MDFIC2: variants seen among roughly 807,000 people sequenced by gnomAD.
The protein encoded by MDFIC2 is myoD family inhibitor domain-containing protein 2.
At chr3:70,280,436 AC>A (rs1425288052) in intron 2 of MDFIC2, among the ~76,000 whole-genome samples, 4 of 151,964 alleles carry the variant, frequency 2.6e-5, no homozygotes, top group African/African-American at 9.7e-5. Context: ...TCTTACCCTT[AC>A]CACCCTAGGC....
At chr3:70,298,400 A>G (rs149575149) in intron 2 of MDFIC2, among the ~76,000 whole-genome samples, 4 of 152,258 alleles carry the variant, frequency 2.6e-5, no homozygotes, top group Non-Finnish European at 5.9e-5. Flanking sequence ...ACGGGAAGAT[A>G]TTAAAATGAT....
chr3:70,269,357 C>T (rs1701953026), intron 2 of MDFIC2, among the ~76,000 whole-genome samples: 1 of 152,136 alleles, frequency 6.6e-6, no homozygotes, highest in South Asian at 2.1e-4. Context: ...GAACTGTAAC[C>T]TGTCTGGATA....
intron 2 of MDFIC2, among the ~76,000 whole-genome samples, chr3:70,261,567 C>T (rs973496442): frequency 6.6e-6 from 1 of 152,136 alleles, no homozygotes; most frequent in Non-Finnish European, 1.5e-5. Flanking sequence ...TTCCAAGGTA[C>T]CATGCTCACC....
At chr3:70,234,905 A>G (rs1701592927) in intron 2 of MDFIC2, among the ~76,000 whole-genome samples, 1 of 152,164 alleles carries the variant, frequency 6.6e-6, no homozygotes, top group Non-Finnish European at 1.5e-5. Context: ...TGCCTTGGAC[A>G]TCTTCAGCCT....
intron 2 of MDFIC2, among the ~76,000 whole-genome samples, chr3:70,216,596 G>A (rs921562680): frequency 3.3e-5 from 5 of 152,088 alleles, no homozygotes; most frequent in African/African-American, 1.2e-4. Flanking sequence ...TCTAGATAGA[G>A]ATTTTTTAAG....
intron 2 of MDFIC2, among the ~76,000 whole-genome samples, chr3:70,248,428 G>T (rs1168024909): frequency 2.6e-5 from 4 of 152,068 alleles, no homozygotes; most frequent in Admixed American, 6.6e-5. Context: ...GAAGCACACT[G>T]GTTTGAACTG....
chr3:70,264,090 A>AT (rs1701892757), intron 2 of MDFIC2, among the ~76,000 whole-genome samples: 1 of 152,090 alleles, frequency 6.6e-6, no homozygotes, highest in African/African-American at 2.4e-5. Context: ...TGCATTTAAT[A>AT]TTTTTCCAGA....
intron 2 of MDFIC2, among the ~76,000 whole-genome samples, chr3:70,230,095 T>G (rs900322097): frequency 1.2e-4 from 18 of 152,080 alleles, no homozygotes; most frequent in Non-Finnish European, 2.9e-5. Flanking sequence ...GCTCAGGGAG[T>G]TGGAAATATT....
chr3:70,245,669 CTTTATATATA>C (rs1351869780), intron 2 of MDFIC2, among the ~76,000 whole-genome samples: 7 of 72,216 alleles, frequency 9.7e-5, no homozygotes, highest in African/African-American at 3.6e-4. Flanking sequence ...TTGCAAACTG[CTTTATATATA>C]TATATATATA....
At chr3:70,260,587 T>G (rs1452145012) in intron 2 of MDFIC2, among the ~76,000 whole-genome samples, 2 of 152,042 alleles carry the variant, frequency 1.3e-5, no homozygotes, top group African/African-American at 4.8e-5. Flanking sequence ...CATATTTTAT[T>G]TATTTATTAA....
rs541266176 is a variant in MDFIC2, at chr3:70,212,521, A to C, written c.89-5731T>G. ...TTCTTATTTATTCTTCCTACTAAACATCTCTCAAGTCCGTGTCTGCTTTTT... is the reference window on the plus strand; with the variant it reads ...TTCTTATTTATTCTTCCTACTAAACCTCTCTCAAGTCCGTGTCTGCTTTTT... On this transcript the variant is annotated intron_variant, in intron 2 of 3. Coordinates refer to ENST00000567252, the MANE Select transcript of MDFIC2 (RefSeq NM_001364677.1). Among the ~76,000 whole-genome samples the C allele has an allele frequency of 3.9e-5, 6 of 152,132 alleles. 1 individual carries two copies. In the South Asian group the frequency reaches 1.2e-3, roughly 32 times the overall value.
At chr3:70,306,138 C>G (rs922388329) in intron 2 of MDFIC2, among the ~76,000 whole-genome samples, 1 of 152,104 alleles carries the variant, frequency 6.6e-6, no homozygotes, top group African/African-American at 2.4e-5. Context: ...GAGTCTTGCT[C>G]TCTTACTCAG....
chr3:70,288,911 G>A (rs549226225), intron 2 of MDFIC2, among the ~76,000 whole-genome samples: 3 of 151,674 alleles, frequency 2.0e-5, no homozygotes, highest in African/African-American at 7.3e-5. Flanking sequence ...CCATTTGCTT[G>A]GTAGATCTTC....
intron 2 of MDFIC2, among the ~76,000 whole-genome samples, chr3:70,247,753 G>A (rs1367610660): frequency 3.3e-5 from 5 of 151,702 alleles, no homozygotes. Flanking sequence ...TGGGACCAAG[G>A]TAAAAAAAGA....
intron 2 of MDFIC2, among the ~76,000 whole-genome samples, chr3:70,268,576 C>T (rs556158430): frequency 9.7e-4 from 148 of 151,916 alleles, no homozygotes; most frequent in African/African-American, 3.4e-3. Context: ...AGTTCACATT[C>T]GGGTTCACTC....
intron 2 of MDFIC2, among the ~76,000 whole-genome samples, chr3:70,282,566 C>T (rs567666898): frequency 6.6e-6 from 1 of 152,278 alleles, no homozygotes; most frequent in South Asian, 2.1e-4. Context: ...TCCAAGCAGT[C>T]TCCTGAATCA....
chr3:70,281,656 C>T (rs780807394), intron 2 of MDFIC2, among the ~76,000 whole-genome samples: 11 of 152,064 alleles, frequency 7.2e-5, no homozygotes, highest in Non-Finnish European at 7.4e-5. Context: ...TATTTATGCA[C>T]GATGGTTCTT....
intron 2 of MDFIC2, among the ~76,000 whole-genome samples, chr3:70,235,158 G>T (rs1416110973): frequency 6.6e-6 from 1 of 152,078 alleles, no homozygotes; most frequent in African/African-American, 2.4e-5. Context: ...GTGAACCTTT[G>T]CATGAGGGGT....
intron 2 of MDFIC2, among the ~76,000 whole-genome samples, chr3:70,274,078 T>TG (rs754403100): frequency 5.4e-5 from 8 of 149,102 alleles, no homozygotes; most frequent in Non-Finnish European, 1.2e-4. Context: ...TGTGTGTGTG[T>TG]GTGTGTGTGT....
Sources: allele counts gnomAD v4.1 joint callset (sites outside exome capture counted in the v4.1 genomes callset), GRCh38; gene constraint gnomAD v4.1.1; transcripts MANE v1.5; gene names NCBI Gene and HGNC (gene_info 2026-07-23, HGNC 2026-07-21).